DTNA: variants seen among roughly 807,000 people sequenced by gnomAD.
DTNA encodes dystrobrevin alpha.
DTNA carries 43 observed loss-of-function variants against 100.7 expected under a neutral mutation model. That is an observed-to-expected ratio of 0.43 (90% CI 0.33 to 0.55). The LOEUF (loss-of-function observed/expected upper bound fraction) is 0.55, where lower values mean the gene tolerates loss of function less well. Among genes scored for constraint, DTNA ranks in the 20% least tolerant of loss-of-function variants. DTNA has a pLI of 0.04. For missense variants in DTNA, 798 were observed against 953.9 expected (o/e 0.84, Z 2.15); for synonymous variants, 349 against 347.9 (o/e 1.00, Z -0.04).
intron 1 of DTNA, among the ~76,000 whole-genome samples, chr18:34,653,313 A>G (rs1026920736): frequency 1.3e-5 from 2 of 152,128 alleles, no homozygotes; most frequent in South Asian, 2.1e-4. Flanking sequence ...CTCTACCTGG[A>G]TTTATAGCTA....
intron 9 of DTNA, among the ~76,000 whole-genome samples, chr18:34,824,368 C>T (rs1030220262): frequency 1.3e-5 from 2 of 151,580 alleles, no homozygotes; most frequent in African/African-American, 4.9e-5. Context: ...CCCAGCTACT[C>T]GGGATGCTGA....
At chr18:34,696,892 A>G (rs1488325806) in intron 1 of DTNA, among the ~76,000 whole-genome samples, 1 of 152,176 alleles carries the variant, frequency 6.6e-6, no homozygotes, top group Admixed American at 6.5e-5. Flanking sequence ...ACTTTACTCT[A>G]AAGCAGTGGT....
At chr18:34,632,150 T>G (rs2058153324) in intron 1 of DTNA, among the ~76,000 whole-genome samples, 2 of 152,172 alleles carry the variant, frequency 1.3e-5, no homozygotes, top group Non-Finnish European at 2.9e-5. Context: ...TAATGTAAAC[T>G]TCACAAAATG....
intron 7 of DTNA, 37 bp from the exon 8 acceptor site, chr18:34,818,127 T>C: frequency 1.2e-6 from 2 of 1,613,778 alleles, no homozygotes; most frequent in Non-Finnish European, 1.7e-6. Flanking sequence ...TTCATACTTT[T>C]GTTTTCTTGG....
At chr18:34,881,437 C>CTT (rs752828928) in intron 20 of DTNA, among the ~76,000 whole-genome samples, 2,335 of 51,418 alleles carry the variant, frequency 0.045, 403 homozygotes, top group African/African-American at 0.054. Flanking sequence ...AATTAAAATG[C>CTT]TTTTTTTTTT....
At chr18:34,621,751 A>G (rs1345082761) in intron 1 of DTNA, among the ~76,000 whole-genome samples, 1 of 152,208 alleles carries the variant, frequency 6.6e-6, no homozygotes. Context: ...CTATTGTACA[A>G]CATAGTGACT....
At chr18:34,678,562 A>G (rs2077670046) in intron 1 of DTNA, among the ~76,000 whole-genome samples, 1 of 152,094 alleles carries the variant, frequency 6.6e-6, no homozygotes, top group South Asian at 2.1e-4. Flanking sequence ...CTAAGCTTCA[A>G]ATTTTTGCTG....
chr18:34,662,537 T>C (rs1266001071), intron 1 of DTNA, among the ~76,000 whole-genome samples: 2 of 152,120 alleles, frequency 1.3e-5, no homozygotes, highest in Admixed American at 6.6e-5. Flanking sequence ...GGGACAAAAA[T>C]CTCAGTCTCA....
At chr18:34,644,748 T>C (rs1277383656) in intron 1 of DTNA, among the ~76,000 whole-genome samples, 1 of 152,132 alleles carries the variant, frequency 6.6e-6, no homozygotes, top group East Asian at 1.9e-4. Context: ...AATATGGATA[T>C]AAAATGTAAC....
intron 1 of DTNA, among the ~76,000 whole-genome samples, chr18:34,594,519 AGTT>A (rs1051797851): frequency 1.3e-5 from 2 of 152,218 alleles, no homozygotes; most frequent in African/African-American, 4.8e-5. Flanking sequence ...ACAGATGAAC[AGTT>A]GTTAAATGTA....
At chr18:34,729,313 C>T (rs2087512171) in intron 1 of DTNA, among the ~76,000 whole-genome samples, 1 of 152,228 alleles carries the variant, frequency 6.6e-6, no homozygotes, top group Non-Finnish European at 1.5e-5. Context: ...TGTCTAATGT[C>T]ATTGCCAAAC....
At chr18:34,675,360 C>A (rs796380038) in intron 1 of DTNA, among the ~76,000 whole-genome samples, 54 of 152,130 alleles carry the variant, frequency 3.5e-4, no homozygotes, top group African/African-American at 1.3e-3. Flanking sequence ...TGGAGAGCAC[C>A]TTTTTATTCC....
chr18:34,882,107 ATGAAAAC>A lies in DTNA; in HGVS notation c.2203_2209del (p.Glu735MetfsTer19). The A allele has an allele frequency of 6.2e-7, 1 of 1,614,098 alleles. No homozygotes were observed. The highest frequency in any genetic ancestry group is 1.1e-5 in the South Asian group (1 of 91,078). Reference sequence around the variant, plus strand: ...GCAGATCCCTATGTGCAGCCTGAAGATGAAAACTATGAAAATGACTCTGTCCGGCAGC... The same window carrying A: ...GCAGATCCCTATGTGCAGCCTGAAGATATGAAAATGACTCTGTCCGGCAGC... On this transcript the variant is annotated frameshift_variant, in exon 21 of 23. Coordinates refer to ENST00000444659, the MANE Select transcript of DTNA (RefSeq NM_001386795.1). LOFTEE classifies it high-confidence loss of function.
chr18:34,769,670 G>T (rs2093659000), intron 3 of DTNA, among the ~76,000 whole-genome samples: 1 of 150,874 alleles, frequency 6.6e-6, no homozygotes, highest in East Asian at 1.9e-4. Flanking sequence ...GTTCATAGGT[G>T]GCCCCTTTTC....
intron 16 of DTNA, among the ~76,000 whole-genome samples, chr18:34,863,709 G>A (rs2096659223): frequency 6.6e-6 from 1 of 152,184 alleles, no homozygotes; most frequent in Admixed American, 6.5e-5. Context: ...TTCAATGGTT[G>A]ATTAATTCAG....
At chr18:34,511,250 G>T (rs1483893640) in intron 1 of DTNA, among the ~76,000 whole-genome samples, 1 of 151,964 alleles carries the variant, frequency 6.6e-6, no homozygotes, top group East Asian at 1.9e-4. Context: ...AAAGTTATTT[G>T]AATAAAAATG....
chr18:34,885,579 C>T (rs1048498611), intron 22 of DTNA, among the ~76,000 whole-genome samples: 1 of 152,166 alleles, frequency 6.6e-6, no homozygotes, highest in Admixed American at 6.5e-5. Context: ...CCCGTATTAC[C>T]TCAGTTTCCT....
intron 1 of DTNA, among the ~76,000 whole-genome samples, chr18:34,607,478 G>A (rs1448738731): frequency 1.3e-5 from 2 of 152,026 alleles, no homozygotes; most frequent in Non-Finnish European, 2.9e-5. Flanking sequence ...TTTCTACTTT[G>A]ATTCTGTAGA....
intron 1 of DTNA, among the ~76,000 whole-genome samples, chr18:34,700,812 C>T (rs1418629740): frequency 2.0e-5 from 3 of 152,168 alleles, no homozygotes; most frequent in Non-Finnish European, 4.4e-5. Context: ...TCTCCCACTC[C>T]GTGTCTGAGC....
Sources: allele counts gnomAD v4.1 joint callset (sites outside exome capture counted in the v4.1 genomes callset), GRCh38; gene constraint gnomAD v4.1.1; transcripts MANE v1.5; gene names NCBI Gene and HGNC (gene_info 2026-07-23, HGNC 2026-07-21).